Variants in SCAMP1 observed in about 807,000 individuals in gnomAD.
The protein encoded by SCAMP1 is secretory carrier-associated membrane protein 1.
Under a neutral mutation model 41.8 loss-of-function variants are expected in SCAMP1, and 15 were observed. The observed-to-expected ratio is 0.36, with a 90% CI of 0.24 to 0.55. The LOEUF (loss-of-function observed/expected upper bound fraction) is 0.55, where lower values mean the gene tolerates loss of function less well. SCAMP1 is among the 20% of genes least tolerant of loss of function. The probability of loss-of-function intolerance (pLI) is 0.86; values close to 1 mark genes in which losing one functional copy is unlikely to be tolerated. For missense variants in SCAMP1, 341 were observed against 412.6 expected (o/e 0.83, Z 1.50); for synonymous variants, 135 against 136.8 (o/e 0.99, Z 0.09).
intron 1 of SCAMP1, among the ~76,000 whole-genome samples, chr5:78,364,531 G>T (rs1324371942): frequency 6.6e-6 from 1 of 152,142 alleles, no homozygotes; most frequent in Non-Finnish European, 1.5e-5. Flanking sequence ...GTGCCCATGT[G>T]TAGGTAGTGT....
At chr5:78,418,924 A>G in intron 5 of SCAMP1, 21 bp downstream of exon 5, 1 of 1,538,122 alleles carries the variant, frequency 6.5e-7, no homozygotes, top group Non-Finnish European at 8.7e-7. Flanking sequence ...AACAATTTAC[A>G]TCTTTGCTTA....
chr5:78,422,062 CTTGTA>C, intron 6 of SCAMP1, 102 bp downstream of exon 6: 1 of 1,023,948 alleles, frequency 9.8e-7, no homozygotes, highest in Non-Finnish European at 1.4e-6. Flanking sequence ...TTAAAAAATT[CTTGTA>C]TTGTTGTGTA....
chr5:78,383,722 A>G (rs1249915194), intron 1 of SCAMP1, among the ~76,000 whole-genome samples: 2 of 151,998 alleles, frequency 1.3e-5, no homozygotes, highest in Non-Finnish European at 2.9e-5. Context: ...TGTTTGCATT[A>G]TGGAAGATCA....
chr5:78,377,203 A>T (rs1375666099), intron 1 of SCAMP1, among the ~76,000 whole-genome samples: 1 of 152,128 alleles, frequency 6.6e-6, no homozygotes, highest in Non-Finnish European at 1.5e-5. Context: ...AACAGTAACC[A>T]TATTTATTGG....
At chr5:78,457,543 C>G (rs1753450203) in intron 7 of SCAMP1, among the ~76,000 whole-genome samples, 1 of 152,202 alleles carries the variant, frequency 6.6e-6, no homozygotes, top group Non-Finnish European at 1.5e-5. Context: ...TCTGCCCGTT[C>G]TCAGATCTCC....
chr5:78,414,574 C>T (rs559822925), intron 2 of SCAMP1, among the ~76,000 whole-genome samples: 1 of 152,278 alleles, frequency 6.6e-6, no homozygotes, highest in South Asian at 2.1e-4. Context: ...GGACACTGCG[C>T]CCGGCCAGCT....
At chr5:78,415,016 C>T (rs1003716075) in intron 2 of SCAMP1, among the ~76,000 whole-genome samples, 2 of 150,050 alleles carry the variant, frequency 1.3e-5, no homozygotes, top group African/African-American at 4.9e-5. Flanking sequence ...TGCAGTGGTA[C>T]AGTCTTGGCT....
intron 7 of SCAMP1, among the ~76,000 whole-genome samples, chr5:78,452,479 A>G (rs1487831592): frequency 8.1e-6 from 1 of 122,966 alleles, no homozygotes; most frequent in African/African-American, 3.2e-5. Context: ...GAGAATGATG[A>G]TTTCCAATTT....
chr5:78,458,926 G>A (rs1015239086), intron 7 of SCAMP1, among the ~76,000 whole-genome samples: 2 of 152,222 alleles, frequency 1.3e-5, no homozygotes, highest in Middle Eastern at 3.4e-3. Context: ...CTTAAAAAAT[G>A]TACAGCTTAA....
chr5:78,382,764 G>A (rs1751236829), intron 1 of SCAMP1, among the ~76,000 whole-genome samples: 3 of 145,082 alleles, frequency 2.1e-5, no homozygotes, highest in Non-Finnish European at 4.5e-5. Flanking sequence ...TCATGGCTGA[G>A]TAGTATTCCA....
intron 2 of SCAMP1, among the ~76,000 whole-genome samples, chr5:78,408,533 A>T (rs1751990248): frequency 6.6e-6 from 1 of 152,174 alleles, no homozygotes; most frequent in African/African-American, 2.4e-5. Context: ...ATGTTGGATT[A>T]TCTTGTCCAT....
chr5:78,462,530 GC>G (rs1274680011), intron 8 of SCAMP1, among the ~76,000 whole-genome samples: 1 of 152,042 alleles, frequency 6.6e-6, no homozygotes, highest in Non-Finnish European at 1.5e-5. Flanking sequence ...CGCCATGTTG[GC>G]CAGTCTGGTC....
chr5:78,392,700 A>G (rs1751550711), intron 2 of SCAMP1, among the ~76,000 whole-genome samples: 1 of 152,242 alleles, frequency 6.6e-6, no homozygotes, highest in African/African-American at 2.4e-5. Flanking sequence ...GAAAATTCTT[A>G]TGATAATTGG....
chr5:78,466,575 A>G (rs1753756392), intron 8 of SCAMP1, among the ~76,000 whole-genome samples: 1 of 152,138 alleles, frequency 6.6e-6, no homozygotes, highest in East Asian at 1.9e-4. Context: ...GAGATAAAAC[A>G]TGGTGTGTGA....
At chr5:78,404,453 G>GTTTTTTTTTTTTTTTTTTTTT (rs3058233) in intron 2 of SCAMP1, among the ~76,000 whole-genome samples, 3 of 98,180 alleles carry the variant, frequency 3.1e-5, no homozygotes, top group African/African-American at 1.3e-4. Context: ...AGCCTTACAG[G>GTTTTTTTTTTTTTTTTTTTTT]TTTTTTTTTT....
At chr5:78,390,578 C>G (rs1751461803) in intron 2 of SCAMP1, among the ~76,000 whole-genome samples, 1 of 151,834 alleles carries the variant, frequency 6.6e-6, no homozygotes, top group South Asian at 2.1e-4. Flanking sequence ...GTTCTTTTAA[C>G]TTGATTTCTA....
In SCAMP1 at chr5:78,363,094, G is replaced by A. The variant is rs184201562; in HGVS notation, c.57+2366G>A. On this transcript the variant is annotated intron_variant, in intron 1 of 8. Transcript: ENST00000621999. ...TTTTTAGTAGAGACAGGGTTTCATT[G>A]TATTGGCCAGGCTGGTCTTGAACTC... is the stretch of plus-strand genomic sequence containing the variant. Among the ~76,000 whole-genome samples, 893 of 151,600 alleles carry A rather than the reference G, an allele frequency of 5.9e-3. 4 individuals are homozygous for A. The highest frequency in any genetic ancestry group is 0.02 in the African/African-American group (842 of 41,356).
rs528356773 is a variant in SCAMP1, at chr5:78,477,522, T to G, written c.*1854T>G. 2.0e-5 allele frequency: 3 copies of G among 152,286 alleles called. No individual in the cohort carries two copies. Among genetic ancestry groups the G allele is most frequent in the Non-Finnish European group, 4.4e-5 (3 of 67,972 alleles). 9.4% of individuals were successfully genotyped at this position (152,286 alleles called of 1,614,324 possible). A position where few individuals can be genotyped will look rare whatever the true frequency, so the allele number is the denominator to read the frequency against. ...AACCACAAAATACAGCAAGTGCACC[T>G]ATATTCACCATTAACTTATATCCCA... On this transcript the variant is annotated 3_prime_UTR_variant, in exon 9 of 9. Coordinates refer to ENST00000621999, the MANE Select transcript of SCAMP1 (RefSeq NM_004866.6).
At chr5:78,405,264 A>G (rs375020422) in intron 2 of SCAMP1, among the ~76,000 whole-genome samples, 9 of 152,338 alleles carry the variant, frequency 5.9e-5, no homozygotes, top group African/African-American at 1.4e-4. Context: ...AGTAAAAACC[A>G]TGAGTCTTTA....
Sources: allele counts gnomAD v4.1 joint callset (sites outside exome capture counted in the v4.1 genomes callset), GRCh38; gene constraint gnomAD v4.1.1; transcripts MANE v1.5; gene names NCBI Gene and HGNC (gene_info 2026-07-23, HGNC 2026-07-21).